Variants in RHOU observed in about 807,000 individuals in gnomAD.
The protein encoded by RHOU is rho-related GTP-binding protein RhoU.
In RHOU, 8 loss-of-function variants were observed where a neutral mutation model predicts 12.6. The ratio of observed to expected loss-of-function variants is 0.64; its 90% CI spans 0.37 to 1.15. The LOEUF is 1.15. RHOU is among the 50% of genes most tolerant of loss of function. The pLI is 0.01. For synonymous variants in RHOU, 161 were observed against 147.4 expected (o/e 1.09, Z -0.67); for missense variants, 258 against 347.0 (o/e 0.74, Z 2.04).
At chr1:228,650,565 C>T in the RHOU span, 4 of 456,618 alleles carry the variant, frequency 8.8e-6, no homozygotes, top group Admixed American at 9.5e-5. Context: ...TTGTCCTCAC[C>T]TCACTGCTCG....
chr1:228,726,362 A>G, the RHOU span, among the ~76,000 whole-genome samples: 1 of 152,098 alleles, frequency 6.6e-6, no homozygotes, highest in Non-Finnish European at 1.5e-5. Flanking sequence ...GTTATAGGGT[A>G]TGGTAAAAAT....
chr1:228,662,259 G>A, the RHOU span, among the ~76,000 whole-genome samples: 304 of 152,326 alleles, frequency 2.0e-3, 2 homozygotes, highest in Non-Finnish European at 2.3e-3. Flanking sequence ...AACCATTGTG[G>A]AAGACAGTGT....
At chr1:228,671,066 G>A in the RHOU span, among the ~76,000 whole-genome samples, 15 of 152,090 alleles carry the variant, frequency 9.9e-5, no homozygotes, top group African/African-American at 2.4e-4. Context: ...GTGCAGTGGC[G>A]TGATCTTGGC....
chr1:228,706,207 G>A, the RHOU span, among the ~76,000 whole-genome samples: 8 of 152,250 alleles, frequency 5.3e-5, no homozygotes, highest in Admixed American at 2.0e-4. Context: ...GTCACTTGAT[G>A]CTCTTGTTGG....
the RHOU span, among the ~76,000 whole-genome samples, chr1:228,647,253 T>C: frequency 6.6e-6 from 1 of 152,164 alleles, no homozygotes; most frequent in Non-Finnish European, 1.5e-5. Context: ...TTTCGTAGGC[T>C]CCATTCTTTC....
chr1:228,702,084 GC>G, the RHOU span, among the ~76,000 whole-genome samples: 1 of 151,866 alleles, frequency 6.6e-6, no homozygotes, highest in African/African-American at 2.4e-5. Context: ...AAAATAAGAT[GC>G]CAAATTATAT....
At chr1:228,647,512 C>T in the RHOU span, among the ~76,000 whole-genome samples, 1 of 152,210 alleles carries the variant, frequency 6.6e-6, no homozygotes, top group Non-Finnish European at 1.5e-5. Flanking sequence ...GTAAAGCAGT[C>T]CATGCGTTCT....
chr1:228,731,105 A>T (rs1054865093), upstream of RHOU, among the ~76,000 whole-genome samples: 3 of 152,206 alleles, frequency 2.0e-5, no homozygotes, highest in Non-Finnish European at 2.9e-5. Context: ...ATCCTAGAAA[A>T]TGTATTAATA....
At chr1:228,741,516 C>G (rs1203708828) in intron 2 of RHOU, among the ~76,000 whole-genome samples, 2 of 152,046 alleles carry the variant, frequency 1.3e-5, no homozygotes, top group South Asian at 2.1e-4. Flanking sequence ...TAATACTGGT[C>G]TCAGTTTTAT....
At chr1:228,673,784 A>G in the RHOU span, among the ~76,000 whole-genome samples, 413 of 152,308 alleles carry the variant, frequency 2.7e-3, 6 homozygotes, top group African/African-American at 9.4e-3. Flanking sequence ...ACCTAGTCTC[A>G]GGTAGTTCTT....
chr1:228,684,701 A>G, the RHOU span, among the ~76,000 whole-genome samples: 5 of 152,154 alleles, frequency 3.3e-5, no homozygotes, highest in South Asian at 1.0e-3. Flanking sequence ...AGCCACCCCC[A>G]TAAGGCAGGA....
At chr1:228,732,726 G>A (rs1571886218), upstream of RHOU, among the ~76,000 whole-genome samples, 1 of 152,150 alleles carries the variant, frequency 6.6e-6, no homozygotes, top group African/African-American at 2.4e-5. Flanking sequence ...AAGCAAGAGG[G>A]GGACGCACAG....
chr1:228,653,529 G>T, the RHOU span, among the ~76,000 whole-genome samples: 34 of 152,232 alleles, frequency 2.2e-4, no homozygotes, highest in Non-Finnish European at 4.9e-4. Flanking sequence ...ATGTTGGTCT[G>T]GCTGGTCTCG....
the RHOU span, among the ~76,000 whole-genome samples, chr1:228,672,378 G>A: frequency 1.3e-5 from 2 of 152,222 alleles, no homozygotes; most frequent in East Asian, 1.9e-4. Context: ...TGCCAGGCTG[G>A]TCTCGAACTT....
At chr1:228,742,167 A>G (rs1662736481) in intron 2 of RHOU, among the ~76,000 whole-genome samples, 1 of 152,236 alleles carries the variant, frequency 6.6e-6, no homozygotes, top group Admixed American at 6.5e-5. Flanking sequence ...TACATTTTAC[A>G]TAGGAAAGAG....
the RHOU span, among the ~76,000 whole-genome samples, chr1:228,719,927 A>G: frequency 6.6e-6 from 1 of 152,074 alleles, no homozygotes; most frequent in East Asian, 1.9e-4. Context: ...CAGACCTAAA[A>G]TAATCCAAGA....
the RHOU span, among the ~76,000 whole-genome samples, chr1:228,728,614 T>C: frequency 6.6e-6 from 1 of 152,334 alleles, no homozygotes; most frequent in Admixed American, 6.5e-5. Context: ...AAGCAAACAG[T>C]TCTTTGGAAT....
chr1:228,650,727 A>G, the RHOU span: 10 of 460,610 alleles, frequency 2.2e-5, no homozygotes, highest in Non-Finnish European at 4.3e-5. Flanking sequence ...CTAAACATCA[A>G]CTACAGGCCA....
chr1:228,727,271 C>T, the RHOU span, among the ~76,000 whole-genome samples: 3 of 152,074 alleles, frequency 2.0e-5, no homozygotes, highest in East Asian at 5.8e-4. Flanking sequence ...ATAGAGAAAA[C>T]AGTCCTCTTG....
Sources: gnomAD v4.1 joint callset for allele counts (sites outside exome capture counted in the v4.1 genomes callset) on GRCh38, gnomAD v4.1.1 for gene constraint, MANE v1.5 for transcripts, NCBI Gene and HGNC (gene_info 2026-07-23, HGNC 2026-07-21) for gene names.